Variants in HGF observed in about 807,000 individuals in gnomAD.
The protein encoded by HGF is hepatocyte growth factor, also known as fibroblast-derived tumor cytotoxic factor.
Under a neutral mutation model 111.6 loss-of-function variants are expected in HGF, and 39 were observed. The observed-to-expected ratio is 0.35, with a 90% confidence interval of 0.27 to 0.46. The LOEUF (loss-of-function observed/expected upper bound fraction) is 0.46. HGF is among the 20% of genes least tolerant of loss of function. The pLI is 1.00. For missense variants in HGF, 735 were observed against 910.5 expected, an observed-to-expected ratio of 0.81 and a Z score of 2.48; for synonymous variants, 285 against 294.8, an observed-to-expected ratio of 0.97 and a Z score of 0.34.
In HGF at chr7:81,752,155, C is replaced by T. The variant is rs558400297; in HGVS notation, c.590G>A (p.Arg197His). The T allele has an allele frequency of 1.2e-6, 2 of 1,613,612 alleles. No homozygotes were observed. Among genetic ancestry groups the T allele is most frequent in the Admixed American group, 1.7e-5 (1 of 60,012 alleles). ...CTGAGGAATGTCACAGACTTCGTAG[C>T]GTACCTCTGGATTGCTTGTGAAACA... ...PWCFTSNPEV[R>H]YEVCDIPQCS... is the part of the protein sequence containing the mutation. The change falls in exon 5 of 18, where the codon CGC becomes CAC. Residue 197 changes from arginine to histidine, a missense_variant. By Grantham distance (29) the Arg-to-His change is conservative (BLOSUM62 0). Coordinates refer to ENST00000222390, the MANE Select transcript of HGF (RefSeq NM_000601.6).
chr7:81,742,553 T>C (rs1268492807), intron 7 of HGF: 2 of 271,204 alleles, frequency 7.4e-6, no homozygotes, highest in Non-Finnish European at 1.3e-5. Context: ...AGAATTTTAA[T>C]ATCCAGTTGA....
At position 81,761,665 on chromosome 7, in the gene HGF, G is replaced by A. The variant is rs146561368; in HGVS notation, c.254+1042C>T. Among the ~76,000 whole-genome samples, 580 of 151,922 alleles carry A rather than the reference G, an allele frequency of 3.8e-3. 4 individuals are homozygous for A. Among genetic ancestry groups the A allele is most frequent in the Non-Finnish European group, 6.5e-3 (444 of 67,962 alleles). On this transcript the variant is annotated intron_variant, in intron 2 of 17. Transcript: ENST00000222390. ...CTTCTGACAGTTTAGGAGACGATTCGAATGAAATTGTCACCCTCTTAGCCC... is the reference window on the plus strand; with the variant it reads ...CTTCTGACAGTTTAGGAGACGATTCAAATGAAATTGTCACCCTCTTAGCCC...
intron 17 of HGF, 94 bp from the exon 18 acceptor site, chr7:81,702,851 T>C: frequency 9.6e-7 from 1 of 1,041,970 alleles, no homozygotes; most frequent in South Asian, 1.4e-5. Context: ...CAGAGATATA[T>C]ACAGAAAAAG....
intron 5 of HGF, among the ~76,000 whole-genome samples, chr7:81,749,750 T>C (rs1335783596): frequency 6.6e-6 from 1 of 152,092 alleles, no homozygotes; most frequent in African/African-American, 2.4e-5. Context: ...GACTATATTT[T>C]CAAGTTTTAA....
intron 5 of HGF, among the ~76,000 whole-genome samples, chr7:81,747,558 A>G (rs777041884): frequency 6.6e-6 from 1 of 152,224 alleles, no homozygotes; most frequent in Non-Finnish European, 1.5e-5. Flanking sequence ...GTTAGCAAGA[A>G]TAATGTTACA....
intron 11 of HGF, among the ~76,000 whole-genome samples, chr7:81,714,869 A>T (rs886798099): frequency 3.3e-5 from 5 of 152,058 alleles, no homozygotes; most frequent in African/African-American, 1.2e-4. Context: ...CCTGGCTATA[A>T]ATATTAGTTA....
intron 17 of HGF, among the ~76,000 whole-genome samples, chr7:81,703,623 A>T (rs990498596): frequency 1.3e-5 from 2 of 151,166 alleles, no homozygotes; most frequent in Non-Finnish European, 3.0e-5. Context: ...ACATAGTGTT[A>T]TATGTAACAA....
intron 2 of HGF, among the ~76,000 whole-genome samples, chr7:81,760,672 TGTGC>T (rs1035567798): frequency 6.1e-5 from 7 of 114,084 alleles, no homozygotes; most frequent in Admixed American, 2.2e-4. Flanking sequence ...TGTGTGTCTA[TGTGC>T]GTGCGTGTGT....
intron 16 of HGF, 26 bp downstream of exon 16, chr7:81,705,621 G>A (rs1281466518): frequency 6.3e-7 from 1 of 1,589,242 alleles, no homozygotes; most frequent in Non-Finnish European, 8.6e-7. Context: ...AATAAATATG[G>A]CCTCATCTTT....
chr7:81,704,536 T>G (rs1789371463), intron 17 of HGF, among the ~76,000 whole-genome samples: 1 of 151,808 alleles, frequency 6.6e-6, no homozygotes, highest in Non-Finnish European at 1.5e-5. Context: ...TTTAAGCAGT[T>G]CTAAAAACTC....
chr7:81,753,495 T>C (rs1270366590), intron 4 of HGF, among the ~76,000 whole-genome samples: 1 of 152,028 alleles, frequency 6.6e-6, no homozygotes. Flanking sequence ...CAAATGTGTT[T>C]CCTACCCAAT....
chr7:81,758,811 A>G lies in HGF; in HGVS notation c.255-7T>C, dbSNP rs2116205061. The G allele has an allele frequency of 6.4e-7, 1 of 1,557,246 alleles. No homozygotes were observed. The highest frequency in any genetic ancestry group is 1.4e-5 in the African/African-American group (1 of 73,708). ...TTTATCAAAAACAAAAGCCCTGAAA[A>G]AAATATCAGAATGAAAAGAAGAAAT... On this transcript the variant is annotated splice_polypyrimidine_tract_variant and splice_region_variant and intron_variant, in intron 2 of 17. Transcript: ENST00000222390.
At chr7:81,715,278 T>C (rs541731532) in intron 11 of HGF, among the ~76,000 whole-genome samples, 12 of 152,096 alleles carry the variant, frequency 7.9e-5, no homozygotes, top group Non-Finnish European at 1.5e-5. Context: ...TGAGCCTCCA[T>C]TAGTCTTAAC....
chr7:81,760,255 C>A (rs1789001069), intron 2 of HGF, among the ~76,000 whole-genome samples: 1 of 152,082 alleles, frequency 6.6e-6, no homozygotes, highest in African/African-American at 2.4e-5. Flanking sequence ...ATTCTAGTAC[C>A]AGTTGCCAGC....
chr7:81,727,311 G>A (rs1401106666), intron 8 of HGF, among the ~76,000 whole-genome samples: 1 of 151,924 alleles, frequency 6.6e-6, no homozygotes, highest in African/African-American at 2.4e-5. Context: ...CCAAAGTGTG[G>A]GAATTACAGG....
intron 13 of HGF, among the ~76,000 whole-genome samples, chr7:81,709,249 G>T (rs530682865): frequency 1.9e-4 from 29 of 152,268 alleles, no homozygotes; most frequent in Admixed American, 1.5e-3. Context: ...GAAAGCCACA[G>T]TGTGTTGTGG....
At chr7:81,703,030 T>G (rs1365057435) in intron 17 of HGF, among the ~76,000 whole-genome samples, 1 of 151,654 alleles carries the variant, frequency 6.6e-6, no homozygotes. Flanking sequence ...CAACCATCCT[T>G]TTAAGTGTGC....
chr7:81,741,717 T>C (rs1788010815), intron 7 of HGF, among the ~76,000 whole-genome samples: 1 of 151,846 alleles, frequency 6.6e-6, no homozygotes, highest in Non-Finnish European at 1.5e-5. Context: ...GGCAGGCAGA[T>C]CACCTGAGGT....
intron 7 of HGF, among the ~76,000 whole-genome samples, chr7:81,739,912 C>G (rs911334856): frequency 6.6e-6 from 1 of 152,032 alleles, no homozygotes; most frequent in African/African-American, 2.4e-5. Flanking sequence ...CTTACTTGAT[C>G]TGCCTCATAT....
Sources: allele counts gnomAD v4.1 joint callset (sites outside exome capture counted in the v4.1 genomes callset), GRCh38; gene constraint gnomAD v4.1.1; transcripts MANE v1.5; gene names NCBI Gene and HGNC (gene_info 2026-07-23, HGNC 2026-07-21).